Variants in RAB2A observed in about 807,000 individuals in gnomAD.
The protein encoded by RAB2A is ras-related protein Rab-2A.
Under a neutral mutation model 32.5 loss-of-function variants are expected in RAB2A, and 7 were observed. The observed-to-expected ratio is 0.22, with a 90% CI of 0.12 to 0.40. The LOEUF (loss-of-function observed/expected upper bound fraction) is 0.40, where lower values mean the gene tolerates loss of function less well. RAB2A is among the 10% of genes least tolerant of loss of function. The pLI is 1.00. For missense variants in RAB2A, 108 were observed against 260.7 expected, an observed-to-expected ratio of 0.41 and a Z score of 4.03; for synonymous variants, 79 against 85.2, an observed-to-expected ratio of 0.93 and a Z score of 0.40.
chr8:60,572,638 G>A (rs1808213120), intron 3 of RAB2A, among the ~76,000 whole-genome samples: 1 of 152,082 alleles, frequency 6.6e-6, no homozygotes, highest in Non-Finnish European at 1.5e-5. Context: ...TGATTTGAGT[G>A]ACTGTTTTCT....
At chr8:60,586,013 G>A (rs1472344851) in intron 5 of RAB2A, among the ~76,000 whole-genome samples, 1 of 152,140 alleles carries the variant, frequency 6.6e-6, no homozygotes, top group Non-Finnish European at 1.5e-5. Flanking sequence ...TAAATGAACA[G>A]CCTAGGGCCA....
intron 5 of RAB2A, among the ~76,000 whole-genome samples, chr8:60,590,640 A>C (rs555405658): frequency 6.7e-6 from 1 of 148,894 alleles, no homozygotes; most frequent in Non-Finnish European, 1.5e-5. Flanking sequence ...TGTTTGTAAT[A>C]ATGAAAAATT....
At chr8:60,617,724 G>A (rs967858769) in intron 6 of RAB2A, among the ~76,000 whole-genome samples, 9 of 152,214 alleles carry the variant, frequency 5.9e-5, no homozygotes, top group African/African-American at 1.7e-4. Flanking sequence ...CATCCTAGGC[G>A]ACAGGGTGAG....
chr8:60,593,535 T>G (rs549685074), intron 6 of RAB2A, among the ~76,000 whole-genome samples: 1 of 151,534 alleles, frequency 6.6e-6, no homozygotes, highest in African/African-American at 2.4e-5. Context: ...ATTGTGGCTC[T>G]GCTTCCACAA....
Position 60,622,029 on chromosome 8 carries a change from T to C in RAB2A, c.*1260T>C, listed in dbSNP as rs1804536675. 1.3e-5 allele frequency: 2 copies of C among 152,176 alleles called. No homozygotes were observed. The highest frequency in any genetic ancestry group is 1.9e-4 in the East Asian group (1 of 5,196). The allele number at this position is 152,176 out of a possible 1,614,324, so 9.4% of individuals were successfully genotyped here. On this transcript the variant is annotated 3_prime_UTR_variant, in exon 8 of 8. Coordinates refer to ENST00000262646, the MANE Select transcript of RAB2A (RefSeq NM_002865.3). ...TCTTTTTTTTTATTATGACCACCTC[T>C]TTTTTAATGTATTTTTAGTCCACTT...
At chr8:60,563,014 T>TTA (rs1554554528) in intron 2 of RAB2A, among the ~76,000 whole-genome samples, 7 of 149,990 alleles carry the variant, frequency 4.7e-5, no homozygotes, top group Admixed American at 6.6e-5. Flanking sequence ...CTTTCAGAGA[T>TTA]AAAAAAAAAA....
At chr8:60,547,083 G>A (rs1259478036) in intron 1 of RAB2A, among the ~76,000 whole-genome samples, 2 of 150,724 alleles carry the variant, frequency 1.3e-5, no homozygotes, top group African/African-American at 2.4e-5. Flanking sequence ...TTGAGATTAG[G>A]GAGTGGTGAT....
intron 1 of RAB2A, among the ~76,000 whole-genome samples, chr8:60,522,532 A>T (rs1272403933): frequency 6.6e-6 from 1 of 152,190 alleles, no homozygotes; most frequent in Non-Finnish European, 1.5e-5. Flanking sequence ...TTAAAAAAAA[A>T]TTTAAACAAT....
At chr8:60,605,770 C>T (rs1804217997) in intron 6 of RAB2A, among the ~76,000 whole-genome samples, 1 of 150,436 alleles carries the variant, frequency 6.6e-6, no homozygotes, top group Non-Finnish European at 1.5e-5. Flanking sequence ...CCTGTGTCCC[C>T]ATTGTATCTT....
At chr8:60,549,880 GAA>G (rs56003361) in intron 1 of RAB2A, among the ~76,000 whole-genome samples, 2 of 139,688 alleles carry the variant, frequency 1.4e-5, no homozygotes, top group Admixed American at 7.2e-5. Flanking sequence ...TCCTCCTTTT[GAA>G]AAAAAAAAAA....
intron 6 of RAB2A, among the ~76,000 whole-genome samples, chr8:60,594,418 A>T (rs1390783406): frequency 6.6e-6 from 1 of 152,200 alleles, no homozygotes; most frequent in African/African-American, 2.4e-5. Context: ...AACAGTTCTA[A>T]TGATAGCAGA....
chr8:60,535,822 A>G (rs575724177), intron 1 of RAB2A, among the ~76,000 whole-genome samples: 70 of 152,276 alleles, frequency 4.6e-4, no homozygotes, highest in African/African-American at 1.6e-3. Context: ...GCCACCATGT[A>G]TTGTCTCTTG....
chr8:60,556,902 T>C (rs1807948136), intron 1 of RAB2A, among the ~76,000 whole-genome samples: 1 of 152,164 alleles, frequency 6.6e-6, no homozygotes, highest in African/African-American at 2.4e-5. Context: ...ATTTTTTCTA[T>C]ACCATATGAA....
intron 7 of RAB2A, 119 bp downstream of exon 7, chr8:60,618,767 C>T (rs1804487935): frequency 2.9e-6 from 1 of 342,968 alleles, no homozygotes; most frequent in Non-Finnish European, 4.4e-6. Flanking sequence ...TAAAATCAAT[C>T]ATGATAATCA....
intron 1 of RAB2A, among the ~76,000 whole-genome samples, chr8:60,551,649 A>C (rs1807848948): frequency 6.6e-6 from 1 of 152,178 alleles, no homozygotes; most frequent in Admixed American, 6.6e-5. Context: ...TGCAAAAGTG[A>C]CATTCAGTAG....
chr8:60,516,945 G>C, upstream of RAB2A: 1 of 355,912 alleles, frequency 2.8e-6, no homozygotes, highest in East Asian at 4.6e-5. Flanking sequence ...CAGAACTTCC[G>C]GGTCGGCGCG....
chr8:60,541,805 T>G (rs1807650123), intron 1 of RAB2A, among the ~76,000 whole-genome samples: 3 of 152,314 alleles, frequency 2.0e-5, no homozygotes, highest in African/African-American at 7.2e-5. Context: ...CTTCATCTAG[T>G]GGTTGAAACA....
intron 1 of RAB2A, among the ~76,000 whole-genome samples, chr8:60,557,010 A>T (rs1807949493): frequency 6.6e-6 from 1 of 152,164 alleles, no homozygotes; most frequent in Non-Finnish European, 1.5e-5. Flanking sequence ...CATAGAGCAA[A>T]TTCCTTTGGT....
chr8:60,592,465 A>C (rs1359322111), intron 6 of RAB2A, among the ~76,000 whole-genome samples: 1 of 152,182 alleles, frequency 6.6e-6, no homozygotes, highest in African/African-American at 2.4e-5. Flanking sequence ...GAAATGTTTC[A>C]AGACAGCAGA....
Sources: gnomAD v4.1 joint callset for allele counts (sites outside exome capture counted in the v4.1 genomes callset) on GRCh38, gnomAD v4.1.1 for gene constraint, MANE v1.5 for transcripts, NCBI Gene and HGNC (gene_info 2026-07-23, HGNC 2026-07-21) for gene names.